The following TMEM72 variants were observed in gnomAD, a reference collection of about 807,000 sequenced individuals.
TMEM72 encodes the protein kidney-specific secretory protein of 37 kDa.
A neutral mutation model predicts 16.3 loss-of-function variants in TMEM72; 9 were observed. That is an observed-to-expected ratio of 0.55 (90% confidence interval 0.33 to 0.96). The LOEUF (loss-of-function observed/expected upper bound fraction) is 0.96. Ranked by LOEUF, TMEM72 falls within the 40% of genes least tolerant of loss-of-function variation. The probability of loss-of-function intolerance (pLI) is 0.03; values close to 1 mark genes in which losing one functional copy is unlikely to be tolerated. For synonymous variants in TMEM72, 160 were observed against 146.5 expected, an observed-to-expected ratio of 1.09 and a Z score of -0.66; for missense variants, 324 against 337.8, an observed-to-expected ratio of 0.96 and a Z score of 0.32.
At chr10:44,924,749 G>A (rs987944357) in intron 1 of TMEM72, among the ~76,000 whole-genome samples, 5 of 152,212 alleles carry the variant, frequency 3.3e-5, no homozygotes, top group East Asian at 1.9e-4. Flanking sequence ...TCCCATGAGC[G>A]CCCCACTGAT....
chr10:44,925,964 CATAT>C (rs1307660777), intron 1 of TMEM72, among the ~76,000 whole-genome samples: 2 of 151,814 alleles, frequency 1.3e-5, no homozygotes, highest in Non-Finnish European at 2.9e-5. Flanking sequence ...CACTCACACA[CATAT>C]ATGCACATAT....
intron 1 of TMEM72, among the ~76,000 whole-genome samples, chr10:44,914,670 G>A (rs1589037733): frequency 6.6e-6 from 1 of 152,324 alleles, no homozygotes; most frequent in Middle Eastern, 3.4e-3. Context: ...GTGAGACTCA[G>A]GCCCCAGAGG....
chr10:44,935,088 A>C lies in TMEM72; in HGVS notation c.782A>C (p.Gln261Pro). 6.2e-7 allele frequency: 1 copy of C among 1,610,502 alleles called. No homozygotes were observed. Among genetic ancestry groups the C allele is most frequent in the Non-Finnish European group, 8.5e-7 (1 of 1,178,364 alleles). Residue 261 changes from glutamine (Q) to proline (P), a missense_variant, in exon 5 of 5, where the codon CAG becomes CCG. Physicochemically the swap from Gln to Pro is moderately conservative, Grantham distance 76. Transcript: ENST00000389583. ...SDTTPIIPPP[Q>P]APLFLSSLTA... Reference sequence around the variant, plus strand: ...ACGACACCCATCATTCCCCCTCCCCAGGCCCCACTCTTCCTGTCATCTCTT... The same window carrying C: ...ACGACACCCATCATTCCCCCTCCCCCGGCCCCACTCTTCCTGTCATCTCTT...
In TMEM72 at chr10:44,934,815, C is replaced by G. The variant is rs1439820112; in HGVS notation, c.509C>G (p.Thr170Ser). Reference protein sequence around the residue: ...TGSGDTEQTYTFHGALKEGPS... With the variant: ...TGSGDTEQTYSFHGALKEGPS... ...TCTGGGGACACAGAGCAAACCTACA[C>G]TTTCCATGGGGCCCTCAAGGAGGGG... Residue 170 changes from threonine (T) to serine (S), a missense_variant, in exon 5 of 5, where the codon ACT becomes AGT. Physicochemically the swap from Thr to Ser is moderately conservative, Grantham distance 58 (BLOSUM62 1). Coordinates refer to ENST00000389583, the MANE Select transcript of TMEM72 (RefSeq NM_001123376.3). 6.2e-7 allele frequency: 1 copy of G among 1,613,728 alleles called. No homozygotes were observed. The highest frequency in any genetic ancestry group is 2.2e-5 in the East Asian group (1 of 44,876).
intron 1 of TMEM72, among the ~76,000 whole-genome samples, chr10:44,925,755 A>G (rs986141300): frequency 6.6e-6 from 1 of 152,172 alleles, no homozygotes; most frequent in Non-Finnish European, 1.5e-5. Flanking sequence ...AGTTTCCTCT[A>G]TGTAAAGTGG....
At chr10:44,929,777 C>T (rs959767746) in intron 2 of TMEM72, among the ~76,000 whole-genome samples, 3 of 152,380 alleles carry the variant, frequency 2.0e-5, no homozygotes, top group South Asian at 2.1e-4. Context: ...AGCATGGCCT[C>T]GCCTCCAAGC....
chr10:44,924,524 C>T (rs1299579768), intron 1 of TMEM72, among the ~76,000 whole-genome samples: 4 of 109,838 alleles, frequency 3.6e-5, no homozygotes, highest in Admixed American at 9.6e-5. Context: ...GGCCAGGAGC[C>T]GCCCCCCAAG....
rs1840378579 is a variant in TMEM72 at position 44,935,122 on chromosome 10, CG to C, written c.818del (p.Gly273AlafsTer48). ...TCTTCCTGTCATCTCTTACAGCCAC[CG>C]GCCTGTTCTGAGCGCTTGCTCCAGC... ...PLFLSSLTAT[G>X]LF On this transcript the variant is annotated frameshift_variant, in exon 5 of 5. Transcript: ENST00000389583. LOFTEE classifies it high-confidence loss of function. 6.3e-7 allele frequency: 1 copy of C among 1,592,794 alleles called. No homozygotes were observed. The highest frequency in any genetic ancestry group is 8.6e-7 in the Non-Finnish European group (1 of 1,169,200).
chr10:44,920,966 G>GT (rs1491495785), intron 1 of TMEM72, among the ~76,000 whole-genome samples: 6 of 152,188 alleles, frequency 3.9e-5, no homozygotes, highest in Non-Finnish European at 8.8e-5. Flanking sequence ...TACTCACACA[G>GT]TGGCTGCCCT....
intron 1 of TMEM72, among the ~76,000 whole-genome samples, chr10:44,920,606 CA>C (rs890360946): frequency 6.6e-6 from 1 of 152,000 alleles, no homozygotes; most frequent in Non-Finnish European, 1.5e-5. Flanking sequence ...TTTTTGGCCA[CA>C]AAAAAACCCA....
At chr10:44,915,931 AT>A (rs1002588139) in intron 1 of TMEM72, among the ~76,000 whole-genome samples, 37 of 152,200 alleles carry the variant, frequency 2.4e-4, no homozygotes, top group African/African-American at 8.9e-4. Flanking sequence ...GCTTGCCTTG[AT>A]GGGTCCAGAG....
intron 2 of TMEM72, among the ~76,000 whole-genome samples, chr10:44,928,917 C>T (rs1840246512): frequency 6.6e-6 from 1 of 152,306 alleles, no homozygotes; most frequent in African/African-American, 2.4e-5. Flanking sequence ...ATTAATTGAG[C>T]TCTTGTTTAG....
chr10:44,926,197 A>G (rs1323259763), intron 1 of TMEM72, among the ~76,000 whole-genome samples: 1 of 152,122 alleles, frequency 6.6e-6, no homozygotes, highest in Non-Finnish European at 1.5e-5. Flanking sequence ...ACACACACAC[A>G]TACACTCACA....
At chr10:44,922,107 G>T (rs772983267) in intron 1 of TMEM72, among the ~76,000 whole-genome samples, 1 of 152,124 alleles carries the variant, frequency 6.6e-6, no homozygotes, top group Non-Finnish European at 1.5e-5. Flanking sequence ...AGTTATCCGG[G>T]TGCCATAACT....
chr10:44,914,278 A>G (rs1012747546), intron 1 of TMEM72, among the ~76,000 whole-genome samples: 1 of 152,232 alleles, frequency 6.6e-6, no homozygotes, highest in Non-Finnish European at 1.5e-5. Context: ...GGCCTCAGGT[A>G]GTTGCACCTG....
intron 1 of TMEM72, among the ~76,000 whole-genome samples, chr10:44,912,583 G>A (rs1278195889): frequency 1.3e-5 from 2 of 152,208 alleles, no homozygotes; most frequent in East Asian, 3.9e-4. Context: ...CGTGATATAT[G>A]ACCTTGGGGA....
rs1342989123 is a variant in TMEM72 at position 44,934,857 on chromosome 10, T to A, written c.551T>A (p.Ile184Asn). Residue 184 changes from isoleucine (I) to asparagine (N), a missense_variant, in exon 5 of 5, where the codon ATC becomes AAC. Coordinates refer to ENST00000389583, the MANE Select transcript of TMEM72 (RefSeq NM_001123376.3). ...AAGGAGGGGCCCAGCTCCCTTTTCA[T>A]CCACATGAAGAGTATCCTGAAGGGG... ...ALKEGPSSLFIHMKSILKGTK... is the reference protein window; with the variant it reads ...ALKEGPSSLFNHMKSILKGTK... The A allele has an allele frequency of 1.2e-6, 2 of 1,613,342 alleles. No individual in the cohort carries two copies. The highest frequency in any genetic ancestry group is 1.3e-5 in the African/African-American group (1 of 74,834).
intron 2 of TMEM72, 67 bp downstream of exon 2, chr10:44,928,054 C>G: frequency 1.3e-6 from 2 of 1,541,714 alleles, no homozygotes; most frequent in Non-Finnish European, 8.9e-7. Context: ...CATCTGTCTA[C>G]TCAGAATAAC....
rs538466041 is a variant in TMEM72 at position 44,934,881 on chromosome 10, G to C, written c.575G>C (p.Gly192Ala). ...LFIHMKSILKGTKKPSALQPP... is the reference protein window; with the variant it reads ...LFIHMKSILKATKKPSALQPP... ...ATCCACATGAAGAGTATCCTGAAGG[G>C]GACTAAGAAGCCCAGTGCCCTCCAG... is the stretch of plus-strand genomic sequence containing the variant. The change falls in exon 5 of 5, where the codon GGG becomes GCG. Residue 192 changes from glycine to alanine, a missense_variant. Gly to Ala is a moderately conservative substitution (Grantham distance 60). Transcript: ENST00000389583. The C allele has an allele frequency of 4.8e-5, 77 of 1,613,448 alleles. 1 individual carries two copies. In the South Asian group the frequency reaches 7.5e-4, roughly 16 times the overall value.
Sources: allele counts gnomAD v4.1 joint callset (sites outside exome capture counted in the v4.1 genomes callset), GRCh38; gene constraint gnomAD v4.1.1; transcripts MANE v1.5; gene names NCBI Gene and HGNC (gene_info 2026-07-23, HGNC 2026-07-21).